MYMX: variants seen among roughly 807,000 people sequenced by gnomAD.
MYMX encodes the protein protein myomixer.
chr6:44,204,374 AAG>A, the MYMX span, among the ~76,000 whole-genome samples: 3 of 152,132 alleles, frequency 2.0e-5, no homozygotes, highest in Non-Finnish European at 4.4e-5. Flanking sequence ...TTTCTGGATA[AAG>A]ACCCTTTTGG....
chr6:44,201,500 A>G, the MYMX span, among the ~76,000 whole-genome samples: 82,021 of 151,966 alleles, frequency 0.54, 22,244 homozygotes, highest in Middle Eastern at 0.62. Flanking sequence ...CCCCACACCA[A>G]TGCTGATTTC....
chr6:44,204,652 T>C, the MYMX span, among the ~76,000 whole-genome samples: 1 of 152,156 alleles, frequency 6.6e-6, no homozygotes, highest in African/African-American at 2.4e-5. Context: ...CCTGAGAGAC[T>C]TGTATCTTAC....
chr6:44,198,866 G>A, the MYMX span, among the ~76,000 whole-genome samples: 1 of 151,996 alleles, frequency 6.6e-6, no homozygotes, highest in Non-Finnish European at 1.5e-5. Flanking sequence ...TCTGTCCTTG[G>A]CCTCCAGACA....
chr6:44,202,970 G>C, the MYMX span, among the ~76,000 whole-genome samples: 1 of 152,190 alleles, frequency 6.6e-6, no homozygotes, highest in African/African-American at 2.4e-5. Context: ...CTTACCCCAG[G>C]GTCCAAGGAT....
At chr6:44,198,127 C>G in the MYMX span, among the ~76,000 whole-genome samples, 1 of 144,254 alleles carries the variant, frequency 6.9e-6, no homozygotes, top group African/African-American at 2.5e-5. Flanking sequence ...CTATACAACA[C>G]ATAATTCTCT....
At chr6:44,205,592 C>G in the MYMX span, among the ~76,000 whole-genome samples, 6 of 152,040 alleles carry the variant, frequency 3.9e-5, no homozygotes, top group South Asian at 1.0e-3. Context: ...GGGTGGATCA[C>G]GAGGTCAGGA....
At chr6:44,211,085 A>G in the MYMX span, among the ~76,000 whole-genome samples, 1 of 152,250 alleles carries the variant, frequency 6.6e-6, no homozygotes, top group Admixed American at 6.5e-5. Context: ...ACTGGGCAAT[A>G]CAGCAAGACT....
chr6:44,198,750 G>A, the MYMX span, among the ~76,000 whole-genome samples: 3 of 151,776 alleles, frequency 2.0e-5, no homozygotes, highest in African/African-American at 7.2e-5. Flanking sequence ...CGCCCAGGCT[G>A]GATTACAGGC....
chr6:44,202,497 G>A, the MYMX span, among the ~76,000 whole-genome samples: 2 of 151,764 alleles, frequency 1.3e-5, no homozygotes, highest in Non-Finnish European at 2.9e-5. Context: ...GTTGCCTGCA[G>A]AGCATGGGAG....
chr6:44,197,108 A>G, the MYMX span, among the ~76,000 whole-genome samples: 1 of 152,122 alleles, frequency 6.6e-6, no homozygotes, highest in Non-Finnish European at 1.5e-5. Context: ...TACAAAAATT[A>G]GCCAGTAATC....
the MYMX span, among the ~76,000 whole-genome samples, chr6:44,200,447 TG>T: frequency 6.6e-6 from 1 of 152,116 alleles, no homozygotes. Flanking sequence ...CCCAAGTAGC[TG>T]GGACTACAGG....
upstream of MYMX, among the ~76,000 whole-genome samples, chr6:44,213,686 C>T (rs1408836993): frequency 1.3e-5 from 2 of 152,208 alleles, no homozygotes; most frequent in Non-Finnish European, 2.9e-5. Context: ...TCCCAGAGTG[C>T]TGGGATTACA....
At chr6:44,207,560 T>C in the MYMX span, among the ~76,000 whole-genome samples, 1 of 150,880 alleles carries the variant, frequency 6.6e-6, no homozygotes, top group African/African-American at 2.4e-5. Context: ...TTTTAGGAGT[T>C]TCACTCTTGT....
chr6:44,199,022 C>T, the MYMX span, among the ~76,000 whole-genome samples: 1 of 152,156 alleles, frequency 6.6e-6, no homozygotes, highest in Non-Finnish European at 1.5e-5. Context: ...CCTTCACTGA[C>T]CAGCAATTCC....
the MYMX span, among the ~76,000 whole-genome samples, chr6:44,197,761 T>C: frequency 6.6e-6 from 1 of 152,184 alleles, no homozygotes; most frequent in South Asian, 2.1e-4. Context: ...TATTATATTA[T>C]GTTTTAATAA....
chr6:44,207,279 C>T, the MYMX span, among the ~76,000 whole-genome samples: 1 of 152,130 alleles, frequency 6.6e-6, no homozygotes, highest in South Asian at 2.1e-4. Context: ...CTGCCTCAGC[C>T]TCACACCCAC....
chr6:44,211,393 G>A, the MYMX span, among the ~76,000 whole-genome samples: 824 of 152,168 alleles, frequency 5.4e-3, 2 homozygotes, highest in Middle Eastern at 0.01. Flanking sequence ...GGGGGTAAAG[G>A]AAAATATTAA....
At chr6:44,202,681 C>G in the MYMX span, among the ~76,000 whole-genome samples, 1 of 152,034 alleles carries the variant, frequency 6.6e-6, no homozygotes, top group South Asian at 2.1e-4. Flanking sequence ...CTGGGGCAGG[C>G]AAGGGAGGTG....
rs1775976881 is a variant in MYMX, at chr6:44,218,016, C to G, written c.*290C>G. 3.4e-6 allele frequency: 1 copy of G among 293,016 alleles called. No individual in the cohort carries two copies. Among genetic ancestry groups the G allele is most frequent in the African/African-American group, 2.2e-5 (1 of 46,312 alleles). 18.2% of individuals were successfully genotyped at this position (293,016 alleles called of 1,614,324 possible). On this transcript the variant is annotated 3_prime_UTR_variant, in exon 2 of 2. Transcript: ENST00000573382. The stretch of plus-strand genomic sequence containing the variant: ...CCTCAGGCGGGAGGGGAACTAACAC[C>G]CACCCACCCCTGCCCTCCCTGCAAA...
Sources: allele counts gnomAD v4.1 joint callset (sites outside exome capture counted in the v4.1 genomes callset), GRCh38; gene constraint gnomAD v4.1.1; transcripts MANE v1.5; gene names NCBI Gene and HGNC (gene_info 2026-07-23, HGNC 2026-07-21).